Variants in PRXL2A observed in about 807,000 individuals in gnomAD.
PRXL2A encodes the protein peroxiredoxin-like 2A.
PRXL2A carries 26 observed loss-of-function variants against 25.6 expected under a neutral mutation model. The observed-to-expected ratio is 1.02, with a 90% CI of 0.74 to 1.41. The LOEUF is 1.41. PRXL2A is among the 40% of genes most tolerant of loss of function. The pLI is 0.00. For missense variants in PRXL2A, 246 were observed against 273.9 expected (o/e 0.90, Z 0.72); for synonymous variants, 98 against 102.9 (o/e 0.95, Z 0.29).
At chr10:80,422,315 C>A in intron 2 of PRXL2A, 102 bp from the exon 3 acceptor site, 1 of 841,686 alleles carries the variant, frequency 1.2e-6, no homozygotes, top group Non-Finnish European at 2.0e-6. Context: ...CTCTACTAGG[C>A]CGGGTCTCTG....
chr10:80,435,449 G>A lies in PRXL2A; in HGVS notation c.*3350G>A, dbSNP rs1190202564. On this transcript the variant is annotated 3_prime_UTR_variant, in exon 6 of 6. Coordinates refer to ENST00000606162, the MANE Select transcript of PRXL2A (RefSeq NM_032333.5). ...ATGATTTGCAGCTCTCAAGATTCCAGTGGGCAGTCTGGGTGGGCCTGAGTT... is the reference window on the plus strand; with the variant it reads ...ATGATTTGCAGCTCTCAAGATTCCAATGGGCAGTCTGGGTGGGCCTGAGTT... 6.6e-6 allele frequency: 1 copy of A among 151,976 alleles called. No homozygotes were observed. The highest frequency in any genetic ancestry group is 1.5e-5 in the Non-Finnish European group (1 of 68,002). The allele number at this position is 151,976 out of a possible 1,614,324, so 9.4% of individuals were successfully genotyped here.
chr10:80,427,440 C>T lies in PRXL2A; in HGVS notation c.520C>T (p.Leu174=), dbSNP rs1432147994. 2 of 1,614,020 alleles carry T rather than the reference C, an allele frequency of 1.2e-6. No homozygotes were observed. Among genetic ancestry groups the T allele is most frequent in the East Asian group, 2.2e-5 (1 of 44,886 alleles). ...RAWNGGFSGN[L]EGEGFILGGV... ...CTGGAACGGAGGCTTCTCTGGAAACCTGGAAGGAGAAGGCTTCATCCTTGG... is the reference window on the plus strand; with the variant it reads ...CTGGAACGGAGGCTTCTCTGGAAACTTGGAAGGAGAAGGCTTCATCCTTGG... The change falls in exon 5 of 6, where the codon CTG becomes TTG. Residue 174 remains leucine, a synonymous_variant. Coordinates refer to ENST00000606162, the MANE Select transcript of PRXL2A (RefSeq NM_032333.5).
chr10:80,425,854 T>C lies in PRXL2A; in HGVS notation c.271-12T>C, dbSNP rs749661744. 1 of 1,614,200 alleles carries C rather than the reference T, an allele frequency of 6.2e-7. No individual in the cohort carries two copies. The highest frequency in any genetic ancestry group is 1.1e-5 in the South Asian group (1 of 91,076). ...TGGGACAGATGTCCCTGAACCCTTG[T>C]GTCTTCTACAGGAAGCTGCGGATCT... is the stretch of plus-strand genomic sequence containing the variant. On this transcript the variant is annotated splice_polypyrimidine_tract_variant and intron_variant, in intron 3 of 5. Coordinates refer to ENST00000606162, the MANE Select transcript of PRXL2A (RefSeq NM_032333.5).
At chr10:80,431,431 CT>C (rs1030754370) in intron 5 of PRXL2A, among the ~76,000 whole-genome samples, 1 of 151,434 alleles carries the variant, frequency 6.6e-6, no homozygotes, top group East Asian at 1.9e-4. Context: ...GTTATTTTGT[CT>C]TTTTTTTACT....
intron 1 of PRXL2A, chr10:80,420,031 C>T: frequency 1.0e-6 from 1 of 985,922 alleles, no homozygotes; most frequent in Non-Finnish European, 1.2e-6. Context: ...AAAGCTGCCC[C>T]TACCCAGGGA....
chr10:80,408,927 C>G (rs1241734844), intron 1 of PRXL2A: 1 of 575,818 alleles, frequency 1.7e-6, no homozygotes, highest in Non-Finnish European at 2.2e-6. Context: ...CTGCGGCGGG[C>G]TAGGGCCCCC....
At chr10:80,419,550 C>T (rs1166571359) in intron 1 of PRXL2A, among the ~76,000 whole-genome samples, 3 of 151,284 alleles carry the variant, frequency 2.0e-5, no homozygotes, top group Non-Finnish European at 2.9e-5. Flanking sequence ...TCAGGTGATC[C>T]GCCCACCTCG....
intron 1 of PRXL2A, among the ~76,000 whole-genome samples, chr10:80,409,968 G>C (rs1024792892): frequency 6.6e-6 from 1 of 152,040 alleles, no homozygotes; most frequent in Non-Finnish European, 1.5e-5. Flanking sequence ...CTATATCCCC[G>C]TCTTTTATAA....
At chr10:80,413,679 G>C (rs1844548675) in intron 1 of PRXL2A, 1 of 181,990 alleles carries the variant, frequency 5.5e-6, no homozygotes, top group Non-Finnish European at 1.1e-5. Context: ...TTTCCATTTA[G>C]ATGTTTTCTG....
At chr10:80,413,708 CT>C (rs1443945389) in intron 1 of PRXL2A, 1 of 268,198 alleles carries the variant, frequency 3.7e-6, no homozygotes, top group Non-Finnish European at 5.8e-6. Flanking sequence ...CTGTTGGCAG[CT>C]GAAGGAGCCC....
rs1845356520 is a variant in PRXL2A, at chr10:80,434,712, T to C, written c.*2613T>C. 6.6e-6 allele frequency: 1 copy of C among 152,210 alleles called. No individual in the cohort carries two copies. The highest frequency in any genetic ancestry group is 6.5e-5 in the Admixed American group (1 of 15,278). 9.4% of individuals were successfully genotyped at this position (152,210 alleles called of 1,614,324 possible). On this transcript the variant is annotated 3_prime_UTR_variant, in exon 6 of 6. Transcript: ENST00000606162. Reference sequence around the variant, plus strand: ...TCAATGTGATTCGGCTATCTGTGTCTACTAACTCTCAAATTTATTTATCAA... The same window carrying C: ...TCAATGTGATTCGGCTATCTGTGTCCACTAACTCTCAAATTTATTTATCAA...
At chr10:80,429,214 A>G (rs1845149973) in intron 5 of PRXL2A, among the ~76,000 whole-genome samples, 1 of 152,134 alleles carries the variant, frequency 6.6e-6, no homozygotes. Flanking sequence ...GATTCGCTTG[A>G]CTATATTAGA....
At chr10:80,415,667 A>T (rs1399551610) in intron 1 of PRXL2A, among the ~76,000 whole-genome samples, 1 of 152,122 alleles carries the variant, frequency 6.6e-6, no homozygotes, top group Admixed American at 6.5e-5. Context: ...TTTCTTGAGG[A>T]TTGTGTATCA....
At position 80,408,596 on chromosome 10, in the gene PRXL2A, G is replaced by C. The variant is rs1169837419; in HGVS notation, c.-50G>C. ...GGGCCGGGCGGTTTGGCCCCTTAGC[G>C]CCCGGGCGTCGGGGCGGTAAAAGGC... On this transcript the variant is annotated 5_prime_UTR_variant, in exon 1 of 6. Coordinates refer to ENST00000606162, the MANE Select transcript of PRXL2A (RefSeq NM_032333.5). 1 of 152,272 alleles carries C rather than the reference G, an allele frequency of 6.6e-6. No individual in the cohort carries two copies. Among genetic ancestry groups the C allele is most frequent in the Non-Finnish European group, 1.5e-5 (1 of 68,164 alleles). The allele number at this position is 152,272 out of a possible 1,614,324, so 9.4% of individuals were successfully genotyped here.
intron 1 of PRXL2A, chr10:80,419,884 C>T: frequency 1.4e-6 from 1 of 697,090 alleles, no homozygotes; most frequent in South Asian, 6.4e-5. Context: ...GAATGAGGCC[C>T]TGCTGGGCAC....
chr10:80,424,405 C>CAAAAAAA (rs33941883), intron 3 of PRXL2A, among the ~76,000 whole-genome samples: 2 of 75,076 alleles, frequency 2.7e-5, no homozygotes, highest in Non-Finnish European at 4.7e-5. Context: ...CCTGTCTCTA[C>CAAAAAAA]AAAAAAAAAA....
At chr10:80,420,115 C>G in intron 1 of PRXL2A, 1 of 995,706 alleles carries the variant, frequency 1.0e-6, no homozygotes, top group Non-Finnish European at 1.2e-6. Flanking sequence ...AGTAGTCTGC[C>G]TACAGGGGAC....
chr10:80,419,633 C>A (rs2131891251), intron 1 of PRXL2A, among the ~76,000 whole-genome samples: 1 of 152,222 alleles, frequency 6.6e-6, no homozygotes. Flanking sequence ...TGATATAACA[C>A]CTGCATTTGT....
intron 1 of PRXL2A, among the ~76,000 whole-genome samples, chr10:80,416,722 G>C (rs957691986): frequency 6.6e-6 from 1 of 152,190 alleles, no homozygotes; most frequent in African/African-American, 2.4e-5. Context: ...AACCAAGCAC[G>C]AAGTCCTGAA....
Sources: gnomAD v4.1 joint callset for allele counts (sites outside exome capture counted in the v4.1 genomes callset) on GRCh38, gnomAD v4.1.1 for gene constraint, MANE v1.5 for transcripts, NCBI Gene and HGNC (gene_info 2026-07-23, HGNC 2026-07-21) for gene names.